SMYD3: variants seen among roughly 807,000 people sequenced by gnomAD.
The protein encoded by SMYD3 is histone-lysine N-methyltransferase SMYD3.
SMYD3 carries 36 observed loss-of-function variants against 57.7 expected under a neutral mutation model. That is an observed-to-expected ratio of 0.62 (90% CI 0.48 to 0.82). SMYD3 has a LOEUF of 0.82. Among genes scored for constraint, SMYD3 ranks in the 40% least tolerant of loss-of-function variants. The probability of loss-of-function intolerance (pLI) is 0.00; values close to 1 mark genes in which losing one functional copy is unlikely to be tolerated. For missense variants in SMYD3, 515 were observed against 538.8 expected, an observed-to-expected ratio of 0.96 and a Z score of 0.44; for synonymous variants, 211 against 195.0, an observed-to-expected ratio of 1.08 and a Z score of -0.68.
chr1:246,313,018 G>A (rs1158024098), intron 5 of SMYD3, among the ~76,000 whole-genome samples: 1 of 151,934 alleles, frequency 6.6e-6, no homozygotes, highest in Non-Finnish European at 1.5e-5. Flanking sequence ...AGGCTCGAGC[G>A]ATCCTCCCAC....
chr1:245,903,402 CAG>C (rs1435534069), intron 8 of SMYD3, among the ~76,000 whole-genome samples: 1 of 152,114 alleles, frequency 6.6e-6, no homozygotes, highest in Non-Finnish European at 1.5e-5. Flanking sequence ...TTATAAAAGT[CAG>C]AGAAAACAGG....
At chr1:245,935,001 C>T (rs1037359459) in intron 5 of SMYD3, among the ~76,000 whole-genome samples, 2 of 152,064 alleles carry the variant, frequency 1.3e-5, no homozygotes, top group Non-Finnish European at 2.9e-5. Flanking sequence ...CTAATGGACC[C>T]CTGATTAAAG....
chr1:245,771,496 A>G (rs2046334529), intron 10 of SMYD3, among the ~76,000 whole-genome samples: 1 of 152,246 alleles, frequency 6.6e-6, no homozygotes, highest in South Asian at 2.1e-4. Flanking sequence ...TTCTGTAGAA[A>G]TAAAATGATA....
intron 5 of SMYD3, among the ~76,000 whole-genome samples, chr1:245,994,635 A>AT: frequency 6.6e-6 from 1 of 152,260 alleles, no homozygotes; most frequent in Non-Finnish European, 1.5e-5. Context: ...TGCTTGCCTC[A>AT]TTTCAGAAAT....
At chr1:246,327,769 A>G (rs1212269369) in intron 4 of SMYD3, among the ~76,000 whole-genome samples, 1 of 152,226 alleles carries the variant, frequency 6.6e-6, no homozygotes, top group East Asian at 1.9e-4. Context: ...TAAGGCAAAA[A>G]GACAGAAAAT....
chr1:246,421,990 C>T (rs965727308), intron 1 of SMYD3, among the ~76,000 whole-genome samples: 13 of 152,196 alleles, frequency 8.5e-5, no homozygotes, highest in African/African-American at 2.9e-4. Flanking sequence ...GTGCTCATCT[C>T]TTCCCGGACC....
chr1:246,122,998 A>G (rs1311597334), intron 5 of SMYD3, among the ~76,000 whole-genome samples: 1 of 152,140 alleles, frequency 6.6e-6, no homozygotes, highest in East Asian at 1.9e-4. Flanking sequence ...TCCGTGAAAC[A>G]CTCTCTATAA....
rs2045769503 is a variant in SMYD3 at position 245,759,872 on chromosome 1, C to T, written c.1185+4169G>A. On this transcript the variant is annotated intron_variant, in intron 11 of 11. Transcript: ENST00000490107. ...ACTAGGGCCAGGGTGAGGGAGCCTG[C>T]AGCATGCAGGGTTCACAGGAAAAAA... is the stretch of plus-strand genomic sequence containing the variant. 2.0e-5 allele frequency among the ~76,000 whole-genome samples: 3 copies of T among 152,170 alleles called. No individual in the cohort carries two copies. In the South Asian group the frequency reaches 6.2e-4, roughly 31 times the overall value.
intron 5 of SMYD3, among the ~76,000 whole-genome samples, chr1:246,192,356 C>T (rs925052488): frequency 4.6e-5 from 7 of 152,192 alleles, no homozygotes; most frequent in African/African-American, 1.2e-4. Flanking sequence ...CTACAGAACT[C>T]CTGCAACTTT....
At chr1:245,824,843 C>T (rs1358750987) in intron 10 of SMYD3, among the ~76,000 whole-genome samples, 1 of 124,932 alleles carries the variant, frequency 8.0e-6, no homozygotes, top group East Asian at 2.2e-4. Flanking sequence ...GCAACAAGAA[C>T]GAAACTCCGT....
At chr1:246,148,042 C>CT (rs2061881971) in intron 5 of SMYD3, among the ~76,000 whole-genome samples, 1 of 149,612 alleles carries the variant, frequency 6.7e-6, no homozygotes, top group Non-Finnish European at 1.5e-5. Flanking sequence ...AGAGAGATTC[C>CT]TGGGTGGAAG....
At position 245,820,549 on chromosome 1, in the gene SMYD3, A is replaced by C. The variant is rs2049104529; in HGVS notation, c.1076+37947T>G. ...TAGTGTTGGAAGTTCTGGCCAGGGCAATTAGGCAGGAGAAGGAAATAAAGG... is the reference window on the plus strand; with the variant it reads ...TAGTGTTGGAAGTTCTGGCCAGGGCCATTAGGCAGGAGAAGGAAATAAAGG... On this transcript the variant is annotated intron_variant, in intron 10 of 11. Coordinates refer to ENST00000490107, the MANE Select transcript of SMYD3 (RefSeq NM_001167740.2). 2.0e-5 allele frequency among the ~76,000 whole-genome samples: 3 copies of C among 151,820 alleles called. No homozygotes were observed. The South Asian group carries it at 6.3e-4, about 32-fold the overall frequency.
At chr1:246,132,404 G>A (rs1157169541) in intron 5 of SMYD3, among the ~76,000 whole-genome samples, 1 of 152,056 alleles carries the variant, frequency 6.6e-6, no homozygotes, top group East Asian at 1.9e-4. Context: ...TGGAGGAAAG[G>A]ACAGTCTTTT....
At chr1:246,330,821 C>T (rs968261004) in intron 3 of SMYD3, among the ~76,000 whole-genome samples, 6 of 152,094 alleles carry the variant, frequency 3.9e-5, no homozygotes, top group African/African-American at 7.2e-5. Flanking sequence ...AATCGTGTAC[C>T]GGCCAAAAGA....
At chr1:246,184,259 C>T (rs569401715) in intron 5 of SMYD3, among the ~76,000 whole-genome samples, 8 of 152,292 alleles carry the variant, frequency 5.3e-5, no homozygotes, top group Non-Finnish European at 1.2e-4. Context: ...AGGTCTCAGG[C>T]TTAAAATCCA....
rs147107271 is a variant in SMYD3, at chr1:246,464,557, A to G, written c.164+42497T>C. ...AGAAAGACAGAAAATATTCAATAGC[A>G]TAAGTTTCCAAGAAGGCCAAAATAC... is the stretch of plus-strand genomic sequence containing the variant. On this transcript the variant is annotated intron_variant, in intron 1 of 11. Coordinates refer to ENST00000490107, the MANE Select transcript of SMYD3 (RefSeq NM_001167740.2). Among the ~76,000 whole-genome samples the G allele has an allele frequency of 2.4e-4, 36 of 152,302 alleles. No homozygotes were observed. In the East Asian group the frequency reaches 6.0e-3, roughly 25 times the overall value.
intron 5 of SMYD3, among the ~76,000 whole-genome samples, chr1:246,273,304 C>T (rs994900477): frequency 7.3e-5 from 11 of 151,510 alleles, no homozygotes; most frequent in African/African-American, 2.2e-4. Flanking sequence ...TGCCCGCCAC[C>T]GTGCCCAGCT....
At chr1:246,474,113 A>C (rs1451295980) in intron 1 of SMYD3, among the ~76,000 whole-genome samples, 1 of 152,250 alleles carries the variant, frequency 6.6e-6, no homozygotes, top group Non-Finnish European at 1.5e-5. Flanking sequence ...AACAGGATTC[A>C]AAATGTTCTA....
intron 1 of SMYD3, among the ~76,000 whole-genome samples, chr1:246,424,709 A>G (rs755036878): frequency 1.3e-5 from 2 of 152,222 alleles, no homozygotes; most frequent in African/African-American, 2.4e-5. Flanking sequence ...ATATCTTCTC[A>G]CTCAAATAAG....
Sources: gnomAD v4.1 joint callset for allele counts (sites outside exome capture counted in the v4.1 genomes callset) on GRCh38, gnomAD v4.1.1 for gene constraint, MANE v1.5 for transcripts, NCBI Gene and HGNC (gene_info 2026-07-23, HGNC 2026-07-21) for gene names.